Variants in EYS observed in about 807,000 individuals in gnomAD.
The protein encoded by EYS is EGF-like photoreceptor maintenance factor.
A neutral mutation model predicts 282.1 loss-of-function variants in EYS; 250 were observed. The observed-to-expected ratio is 0.89, with a 90% CI of 0.80 to 0.98. The LOEUF (loss-of-function observed/expected upper bound fraction) is 0.98, where lower values mean the gene tolerates loss of function less well. Ranked by LOEUF, EYS falls within the 50% of genes least tolerant of loss-of-function variation. The pLI is 0.00. For synonymous variants in EYS, 1,355 were observed against 1,282.9 expected, an observed-to-expected ratio of 1.06 and a Z score of -1.20; for missense variants, 4,016 against 3,709.0, an observed-to-expected ratio of 1.08 and a Z score of -2.15.
chr6:64,915,955 A>G (rs369119395), intron 15 of EYS, among the ~76,000 whole-genome samples: 2 of 152,072 alleles, frequency 1.3e-5, no homozygotes, highest in African/African-American at 2.4e-5. Flanking sequence ...TAAATCTAGT[A>G]TCATTTCTTT....
intron 35 of EYS, among the ~76,000 whole-genome samples, chr6:63,908,033 CGTTTGT>C (rs1773825597): frequency 9.1e-6 from 1 of 110,480 alleles, no homozygotes; most frequent in African/African-American, 3.7e-5. Flanking sequence ...TATATATATA[CGTTTGT>C]GTGTGTGTGT....
chr6:64,024,617 C>A (rs1301785246), intron 33 of EYS, among the ~76,000 whole-genome samples: 3 of 152,066 alleles, frequency 2.0e-5, no homozygotes, highest in Admixed American at 6.5e-5. Context: ...TCTTTGGGTC[C>A]ACACTGCCTT....
intron 5 of EYS, among the ~76,000 whole-genome samples, chr6:65,424,359 A>G (rs1250816588): frequency 1.3e-5 from 2 of 151,888 alleles, no homozygotes; most frequent in Non-Finnish European, 2.9e-5. Context: ...CTTACTCTCC[A>G]CAAAAATACT....
At chr6:65,115,966 AATCTATCTATCTATCT>A (rs3036006) in intron 12 of EYS, among the ~76,000 whole-genome samples, 18 of 144,856 alleles carry the variant, frequency 1.2e-4, no homozygotes, top group Middle Eastern at 3.3e-3. Flanking sequence ...CTGTCTATCT[AATCTATCTATCTATCT>A]ATCTATCTAT....
chr6:65,389,822 A>G (rs1272639854), intron 7 of EYS, among the ~76,000 whole-genome samples: 1 of 152,060 alleles, frequency 6.6e-6, no homozygotes, highest in East Asian at 1.9e-4. Flanking sequence ...TAACGGTAGG[A>G]TGAGAATTAA....
chr6:64,298,023 C>T (rs1769099855), intron 30 of EYS, among the ~76,000 whole-genome samples: 1 of 149,706 alleles, frequency 6.7e-6, no homozygotes, highest in African/African-American at 2.5e-5. Context: ...AAGACATTCC[C>T]AGATAAACAA....
chr6:64,699,168 T>A (rs1419955259), intron 22 of EYS, among the ~76,000 whole-genome samples: 1 of 152,158 alleles, frequency 6.6e-6, no homozygotes, highest in Non-Finnish European at 1.5e-5. Flanking sequence ...TCATGTCTTT[T>A]GTGGGAACAT....
At chr6:63,741,401 A>G (rs77564984) in intron 41 of EYS, among the ~76,000 whole-genome samples, 1,634 of 152,352 alleles carry the variant, frequency 0.011, 20 homozygotes, top group African/African-American at 0.038. Context: ...TGAAATCCAT[A>G]GATTTCTAAA....
In EYS at chr6:64,802,009, A is replaced by G. The variant is rs1583172712; in HGVS notation, c.3443+11369T>C. On this transcript the variant is annotated intron_variant, in intron 22 of 42. Transcript: ENST00000503581. ...ACTAATTTGTTATAAGAGAGTTATA[A>G]CAAATTTCTTTTTCTTTTTTTTTCT... Among the ~76,000 whole-genome samples, 2 of 149,304 alleles carry G rather than the reference A, an allele frequency of 1.3e-5. 1 individual carries two copies.
intron 41 of EYS, among the ~76,000 whole-genome samples, chr6:63,733,658 G>A (rs1327797363): frequency 1.3e-5 from 2 of 152,162 alleles, no homozygotes; most frequent in Non-Finnish European, 2.9e-5. Context: ...ACAAAGGAAA[G>A]TTTATTACAG....
chr6:65,700,128 A>C (rs973788227), intron 1 of EYS, among the ~76,000 whole-genome samples: 1 of 150,340 alleles, frequency 6.7e-6, no homozygotes, highest in African/African-American at 2.4e-5. Flanking sequence ...AAAAAAAAAA[A>C]AAAAAAAAAA....
At chr6:65,394,228 G>A (rs193019455) in intron 7 of EYS, among the ~76,000 whole-genome samples, 30 of 151,800 alleles carry the variant, frequency 2.0e-4, no homozygotes, top group Middle Eastern at 3.4e-3. Context: ...GTGTATGTGC[G>A]CACGTGTGTG....
At chr6:63,849,722 A>G (rs543885821) in intron 36 of EYS, among the ~76,000 whole-genome samples, 2 of 152,324 alleles carry the variant, frequency 1.3e-5, no homozygotes, top group Non-Finnish European at 2.9e-5. Flanking sequence ...ATGAGGAAAA[A>G]CCAGTGCAAA....
chr6:63,830,356 A>C (rs1249335111), intron 36 of EYS, among the ~76,000 whole-genome samples: 1 of 152,194 alleles, frequency 6.6e-6, no homozygotes, highest in Non-Finnish European at 1.5e-5. Context: ...TAGAATAAAC[A>C]GTGTAAAGAA....
intron 29 of EYS, among the ~76,000 whole-genome samples, chr6:64,381,522 ACAGGTGAG>A (rs1772748071): frequency 6.6e-6 from 1 of 152,164 alleles, no homozygotes; most frequent in South Asian, 2.1e-4. Context: ...GTTGATGTGT[ACAGGTGAG>A]AATCACTGAT....
chr6:64,521,235 T>G (rs2150525608), intron 26 of EYS, among the ~76,000 whole-genome samples: 1 of 151,866 alleles, frequency 6.6e-6, no homozygotes, highest in South Asian at 2.1e-4. Flanking sequence ...ACATATTAGG[T>G]TAGGTTACAG....
chr6:65,483,949 G>T (rs1167214938), intron 5 of EYS, among the ~76,000 whole-genome samples: 1 of 152,088 alleles, frequency 6.6e-6, no homozygotes, highest in African/African-American at 2.4e-5. Context: ...GCATGGGAAA[G>T]ATGTGCCCCC....
chr6:64,040,792 A>C (rs7757884), intron 33 of EYS, among the ~76,000 whole-genome samples: 45,216 of 152,100 alleles, frequency 0.3, 7,103 homozygotes, highest in Middle Eastern at 0.39. Flanking sequence ...TAAAATATTC[A>C]TTATCTGGCT....
intron 28 of EYS, among the ~76,000 whole-genome samples, chr6:64,419,015 C>A (rs1473536309): frequency 6.6e-6 from 1 of 152,010 alleles, no homozygotes; most frequent in African/African-American, 2.4e-5. Flanking sequence ...TGGAAAAATG[C>A]AAGATCAAAT....
Sources: gnomAD v4.1 joint callset for allele counts (sites outside exome capture counted in the v4.1 genomes callset) on GRCh38, gnomAD v4.1.1 for gene constraint, MANE v1.5 for transcripts, NCBI Gene and HGNC (gene_info 2026-07-23, HGNC 2026-07-21) for gene names.